Variants in FHIT observed in about 807,000 individuals in gnomAD.
FHIT encodes fragile histidine triad diadenosine triphosphatase.
FHIT carries 19 observed loss-of-function variants against 17.9 expected under a neutral mutation model. That is an observed-to-expected ratio of 1.06 (90% CI 0.74 to 1.56). The LOEUF is 1.56. Ranked by LOEUF, FHIT falls within the 40% of genes most tolerant of loss-of-function variation. The pLI is 0.00. For synonymous variants in FHIT, 81 were observed against 69.7 expected, an observed-to-expected ratio of 1.16 and a Z score of -0.81; for missense variants, 248 against 189.2, an observed-to-expected ratio of 1.31 and a Z score of -1.82.
intron 7 of FHIT, among the ~76,000 whole-genome samples, chr3:59,932,874 C>A (rs1706044502): frequency 6.6e-6 from 1 of 152,040 alleles, no homozygotes; most frequent in Admixed American, 6.6e-5. Flanking sequence ...AATTAACAGT[C>A]TTCCCTCCCA....
At chr3:59,957,947 C>T (rs534441650) in intron 7 of FHIT, among the ~76,000 whole-genome samples, 35 of 152,284 alleles carry the variant, frequency 2.3e-4, no homozygotes, top group Non-Finnish European at 4.1e-4. Flanking sequence ...ATAACAGCCT[C>T]ATCGTTTTAA....
At chr3:61,191,926 G>C (rs905448464) in intron 2 of FHIT, among the ~76,000 whole-genome samples, 1 of 152,166 alleles carries the variant, frequency 6.6e-6, no homozygotes, top group Non-Finnish European at 1.5e-5. Flanking sequence ...GCCAGTGTCT[G>C]ATTTAGGAAG....
At chr3:60,023,367 T>G (rs2106743970) in intron 5 of FHIT, among the ~76,000 whole-genome samples, 1 of 152,332 alleles carries the variant, frequency 6.6e-6, no homozygotes, top group South Asian at 2.1e-4. Flanking sequence ...TTCACCAGTA[T>G]GTGAATGAGG....
At chr3:60,274,355 A>G (rs1707019499) in intron 5 of FHIT, among the ~76,000 whole-genome samples, 1 of 152,188 alleles carries the variant, frequency 6.6e-6, no homozygotes, top group Admixed American at 6.5e-5. Flanking sequence ...CACCTAATAT[A>G]TATATCACCA....
chr3:60,485,371 T>C (rs2205042), intron 5 of FHIT, among the ~76,000 whole-genome samples: 129,490 of 152,140 alleles, frequency 0.85, 55,953 homozygotes, highest in Non-Finnish European at 0.93. Context: ...TAGTGCAGCG[T>C]CATTTACAAT....
chr3:59,904,843 A>G (rs1392471684), intron 8 of FHIT, among the ~76,000 whole-genome samples: 9 of 152,196 alleles, frequency 5.9e-5, no homozygotes, highest in Admixed American at 5.9e-4. Flanking sequence ...CCTTTTCCAG[A>G]CTTAGAATGG....
chr3:60,698,107 A>T (rs1735458), intron 4 of FHIT, among the ~76,000 whole-genome samples: 140,871 of 152,250 alleles, frequency 0.93, 65,253 homozygotes, highest in Non-Finnish European at 0.94. Context: ...CAAGGAGAAT[A>T]CAATTAAATT....
At chr3:60,130,203 G>T (rs1699477968) in intron 5 of FHIT, among the ~76,000 whole-genome samples, 1 of 152,182 alleles carries the variant, frequency 6.6e-6, no homozygotes, top group Admixed American at 6.5e-5. Flanking sequence ...AACCAGCTGT[G>T]TGATACGTGC....
rs568889655 is a variant in FHIT at position 60,139,413 on chromosome 3, A to T, written c.104-125261T>A. On this transcript the variant is annotated intron_variant, in intron 5 of 9. Coordinates refer to ENST00000492590, the MANE Select transcript of FHIT (RefSeq NM_002012.4). ...AGGGTTTAGCACCCACTAAGTGAAGAGTGCATTTGGAAACAAGGTGGAGGA... is the reference window on the plus strand; with the variant it reads ...AGGGTTTAGCACCCACTAAGTGAAGTGTGCATTTGGAAACAAGGTGGAGGA... Among the ~76,000 whole-genome samples, 57 of 152,260 alleles carry T rather than the reference A, an allele frequency of 3.7e-4. 1 individual carries two copies. In the South Asian group the frequency reaches 0.011, roughly 29 times the overall value.
At chr3:59,815,226 G>C (rs1700555784) in intron 8 of FHIT, among the ~76,000 whole-genome samples, 5 of 152,056 alleles carry the variant, frequency 3.3e-5, no homozygotes, top group African/African-American at 1.2e-4. Flanking sequence ...TGCAGCCCAG[G>C]CCACTATGGA....
At chr3:59,914,396 A>T (rs2107155217) in intron 8 of FHIT, among the ~76,000 whole-genome samples, 1 of 152,112 alleles carries the variant, frequency 6.6e-6, no homozygotes, top group South Asian at 2.1e-4. Context: ...TGTTTCCAGG[A>T]CTCTATGTCT....
intron 4 of FHIT, among the ~76,000 whole-genome samples, chr3:60,745,216 C>G (rs1043402911): frequency 6.6e-6 from 1 of 152,134 alleles, no homozygotes; most frequent in African/African-American, 2.4e-5. Context: ...ACAAAGAGTT[C>G]GTCTAGATAT....
At chr3:60,239,633 A>T (rs1212907766) in intron 5 of FHIT, among the ~76,000 whole-genome samples, 1 of 152,166 alleles carries the variant, frequency 6.6e-6, no homozygotes, top group Non-Finnish European at 1.5e-5. Context: ...AGTTCCTAGG[A>T]TCTCCACTGG....
chr3:59,834,334 A>G (rs552046451), intron 8 of FHIT, among the ~76,000 whole-genome samples: 1 of 152,196 alleles, frequency 6.6e-6, no homozygotes, highest in Non-Finnish European at 1.5e-5. Context: ...CTGGCAGAGT[A>G]TATTTGTTAA....
intron 5 of FHIT, among the ~76,000 whole-genome samples, chr3:60,200,554 T>G (rs1451252399): frequency 2.0e-5 from 3 of 151,990 alleles, no homozygotes; most frequent in Non-Finnish European, 4.4e-5. Flanking sequence ...AAAAGGATCC[T>G]CTTCTAACAA....
intron 3 of FHIT, among the ~76,000 whole-genome samples, chr3:60,966,427 G>A (rs938859170): frequency 4.6e-5 from 7 of 152,190 alleles, no homozygotes; most frequent in South Asian, 4.1e-4. Flanking sequence ...CTCATGCTCC[G>A]TGGGCTGCAC....
intron 3 of FHIT, among the ~76,000 whole-genome samples, chr3:60,845,423 T>C (rs1553746178): frequency 2.0e-5 from 3 of 152,062 alleles, no homozygotes; most frequent in African/African-American, 7.2e-5. Flanking sequence ...AGAGACAACG[T>C]CTGGCTTCTG....
intron 4 of FHIT, among the ~76,000 whole-genome samples, chr3:60,626,497 A>G (rs1362589514): frequency 7.2e-5 from 11 of 151,852 alleles, no homozygotes; most frequent in Non-Finnish European, 1.6e-4. Flanking sequence ...TCTCAGTTTC[A>G]TTTTCTGATT....
chr3:60,307,011 T>G (rs547075556), intron 5 of FHIT, among the ~76,000 whole-genome samples: 1 of 152,310 alleles, frequency 6.6e-6, no homozygotes, highest in East Asian at 1.9e-4. Flanking sequence ...TAGTTATTTC[T>G]GTGTATTCTT....
Sources: allele counts gnomAD v4.1 joint callset (sites outside exome capture counted in the v4.1 genomes callset), GRCh38; gene constraint gnomAD v4.1.1; transcripts MANE v1.5; gene names NCBI Gene and HGNC (gene_info 2026-07-23, HGNC 2026-07-21).